The following KCNIP4 variants were observed in gnomAD, a reference collection of about 807,000 sequenced individuals.
KCNIP4 encodes the protein Kv channel-interacting protein 4.
In KCNIP4, 12 loss-of-function variants were observed where a neutral mutation model predicts 34.0. The observed-to-expected ratio is 0.35, with a 90% CI of 0.23 to 0.57. The LOEUF is 0.57. Among genes scored for constraint, KCNIP4 ranks in the 20% least tolerant of loss-of-function variants. KCNIP4 has a pLI of 0.83. For missense variants in KCNIP4, 238 were observed against 311.7 expected, an observed-to-expected ratio of 0.76 and a Z score of 1.78; for synonymous variants, 124 against 102.2, an observed-to-expected ratio of 1.21 and a Z score of -1.29.
At chr4:21,019,101 T>C (rs889282443) in intron 1 of KCNIP4, among the ~76,000 whole-genome samples, 3 of 152,170 alleles carry the variant, frequency 2.0e-5, no homozygotes, top group Non-Finnish European at 4.4e-5. Flanking sequence ...CTTCACCCTG[T>C]GTCTACACAT....
intron 3 of KCNIP4, among the ~76,000 whole-genome samples, chr4:20,826,351 G>A (rs1202613249): frequency 6.6e-6 from 1 of 152,126 alleles, no homozygotes; most frequent in African/African-American, 2.4e-5. Context: ...AAGGTGCAAG[G>A]ATTGCTTGAG....
At chr4:21,141,171 A>AG (rs1751921853) in intron 1 of KCNIP4, among the ~76,000 whole-genome samples, 1 of 152,240 alleles carries the variant, frequency 6.6e-6, no homozygotes, top group South Asian at 2.1e-4. Context: ...CTTAGTTCAA[A>AG]AACACTTTAA....
chr4:21,570,795 T>C (rs1009187468), intron 1 of KCNIP4, among the ~76,000 whole-genome samples: 1 of 152,186 alleles, frequency 6.6e-6, no homozygotes, highest in African/African-American at 2.4e-5. Flanking sequence ...TATCCAGTAC[T>C]CAATATATAG....
intron 1 of KCNIP4, among the ~76,000 whole-genome samples, chr4:21,100,654 T>C (rs1349954899): frequency 6.6e-6 from 1 of 152,158 alleles, no homozygotes. Flanking sequence ...GGCCCTCCAT[T>C]AGCAAAAAGA....
At chr4:21,245,810 C>G (rs988843257) in intron 1 of KCNIP4, among the ~76,000 whole-genome samples, 1 of 152,148 alleles carries the variant, frequency 6.6e-6, no homozygotes, top group African/African-American at 2.4e-5. Flanking sequence ...CACAGCATTA[C>G]TTTGAAATTC....
chr4:21,732,262 C>T (rs1304825011), intron 1 of KCNIP4, among the ~76,000 whole-genome samples: 1 of 151,996 alleles, frequency 6.6e-6, no homozygotes, highest in South Asian at 2.1e-4. Flanking sequence ...TTCAGTGCTA[C>T]GTGCTAGGAT....
At chr4:20,981,503 A>G (rs1272938370) in intron 1 of KCNIP4, among the ~76,000 whole-genome samples, 1 of 152,228 alleles carries the variant, frequency 6.6e-6, no homozygotes, top group Non-Finnish European at 1.5e-5. Flanking sequence ...AAGATGTATA[A>G]AAGTATGTTG....
At chr4:21,776,614 G>T (rs1207607520) in intron 1 of KCNIP4, among the ~76,000 whole-genome samples, 1 of 152,048 alleles carries the variant, frequency 6.6e-6, no homozygotes, top group African/African-American at 2.4e-5. Context: ...TGTTGATATG[G>T]TTAGGCTTTG....
At chr4:20,815,691 A>G (rs1287559029) in intron 3 of KCNIP4, among the ~76,000 whole-genome samples, 2 of 152,202 alleles carry the variant, frequency 1.3e-5, no homozygotes. Flanking sequence ...TTATGTATGA[A>G]ATGTTAGACA....
chr4:21,360,893 A>C (rs1194712324), intron 1 of KCNIP4, among the ~76,000 whole-genome samples: 1 of 152,100 alleles, frequency 6.6e-6, no homozygotes, highest in African/African-American at 2.4e-5. Flanking sequence ...AATATTCCCC[A>C]GAATTATTTG....
chr4:21,158,060 A>T (rs1577805203), intron 1 of KCNIP4, among the ~76,000 whole-genome samples: 1 of 152,260 alleles, frequency 6.6e-6, no homozygotes, highest in East Asian at 1.9e-4. Flanking sequence ...CACGCATGTG[A>T]AATGAACAAT....
chr4:21,743,626 A>G (rs1244706677), intron 1 of KCNIP4, among the ~76,000 whole-genome samples: 1 of 151,692 alleles, frequency 6.6e-6, no homozygotes, highest in Non-Finnish European at 1.5e-5. Flanking sequence ...ACATTCCTTG[A>G]CACAATTCCT....
chr4:20,857,895 A>G (rs963656405), intron 2 of KCNIP4, among the ~76,000 whole-genome samples: 1 of 151,834 alleles, frequency 6.6e-6, no homozygotes, highest in Non-Finnish European at 1.5e-5. Flanking sequence ...CTGTATTTGG[A>G]GGTAGGGCCT....
At chr4:21,739,531 T>G (rs1292778326) in intron 1 of KCNIP4, among the ~76,000 whole-genome samples, 1 of 152,036 alleles carries the variant, frequency 6.6e-6, no homozygotes, top group African/African-American at 2.4e-5. Context: ...CAAAGAAGTA[T>G]CATGAAAACT....
intron 1 of KCNIP4, among the ~76,000 whole-genome samples, chr4:21,025,473 TGAGAGAGAGAGAGAGAGAGAGAGA>T (rs33926876): frequency 3.2e-5 from 3 of 95,112 alleles, no homozygotes; most frequent in Non-Finnish European, 6.0e-5. Flanking sequence ...TGAAAACAAC[TGAGAGAGAGAGAGAGAGAGAGAGA>T]GAGAGAGAGA....
chr4:21,626,797 C>T (rs949922464), intron 1 of KCNIP4, among the ~76,000 whole-genome samples: 5 of 152,076 alleles, frequency 3.3e-5, no homozygotes, highest in African/African-American at 1.2e-4. Context: ...CATTGAACGA[C>T]AGATCGTTTC....
At chr4:21,394,987 C>T (rs1040099000) in intron 1 of KCNIP4, among the ~76,000 whole-genome samples, 1 of 151,750 alleles carries the variant, frequency 6.6e-6, no homozygotes, top group Non-Finnish European at 1.5e-5. Flanking sequence ...AAGCCACAAT[C>T]CTTATATTTA....
chr4:21,412,325 A>T (rs1335028911), intron 1 of KCNIP4, among the ~76,000 whole-genome samples: 1 of 152,172 alleles, frequency 6.6e-6, no homozygotes, highest in African/African-American at 2.4e-5. Context: ...CTTTCCATGG[A>T]TTCCACATGG....
chr4:21,923,443 T>C (rs1347950754), intron 1 of KCNIP4, among the ~76,000 whole-genome samples: 1 of 151,722 alleles, frequency 6.6e-6, no homozygotes, highest in Non-Finnish European at 1.5e-5. Flanking sequence ...TTAGCCGGAG[T>C]GGTGGTACAT....
Sources: gnomAD v4.1 joint callset for allele counts (sites outside exome capture counted in the v4.1 genomes callset) on GRCh38, gnomAD v4.1.1 for gene constraint, MANE v1.5 for transcripts, NCBI Gene and HGNC (gene_info 2026-07-23, HGNC 2026-07-21) for gene names.